Variants in RIT2 observed in about 807,000 individuals in gnomAD.
The protein encoded by RIT2 is GTP-binding protein Rit2.
A neutral mutation model predicts 23.7 loss-of-function variants in RIT2; 24 were observed. That is an observed-to-expected ratio of 1.01 (90% CI 0.73 to 1.43). RIT2 has a LOEUF of 1.43. Among genes scored for constraint, RIT2 ranks in the 40% most tolerant of loss-of-function variants. The probability of loss-of-function intolerance (pLI) is 0.00; values close to 1 mark genes in which losing one functional copy is unlikely to be tolerated. For missense variants in RIT2, 236 were observed against 266.9 expected (o/e 0.88, Z 0.81); for synonymous variants, 107 against 91.1 (o/e 1.17, Z -0.99).
intron 2 of RIT2, among the ~76,000 whole-genome samples, chr18:42,999,270 G>A (rs141408899): frequency 6.6e-4 from 100 of 151,806 alleles, no homozygotes; most frequent in Admixed American, 3.1e-3. Context: ...TTCATTACTC[G>A]GATCAGTTTA....
At chr18:42,926,691 C>T (rs1453496498) in intron 3 of RIT2, among the ~76,000 whole-genome samples, 3 of 151,928 alleles carry the variant, frequency 2.0e-5, no homozygotes, top group African/African-American at 7.2e-5. Flanking sequence ...CAAAGTCACA[C>T]ACATATCACA....
chr18:42,818,337 T>C (rs1239160663), intron 4 of RIT2, among the ~76,000 whole-genome samples: 2 of 152,054 alleles, frequency 1.3e-5, no homozygotes, highest in African/African-American at 2.4e-5. Context: ...CATATTACAA[T>C]TGGCACTATG....
At chr18:42,841,444 T>C (rs1906765624) in intron 4 of RIT2, among the ~76,000 whole-genome samples, 1 of 152,212 alleles carries the variant, frequency 6.6e-6, no homozygotes, top group African/African-American at 2.4e-5. Context: ...TAAATTTAGG[T>C]GAAATTCAAT....
chr18:42,835,997 G>C (rs1332619910), intron 4 of RIT2, among the ~76,000 whole-genome samples: 2 of 152,008 alleles, frequency 1.3e-5, no homozygotes, highest in East Asian at 3.9e-4. Flanking sequence ...TGGGAAATGA[G>C]GTAATCTTTA....
intron 4 of RIT2, among the ~76,000 whole-genome samples, chr18:42,809,499 A>G (rs1476335065): frequency 1.3e-5 from 2 of 152,074 alleles, no homozygotes; most frequent in African/African-American, 4.8e-5. Context: ...GAAATCTTGT[A>G]GCACTTACCC....
intron 4 of RIT2, among the ~76,000 whole-genome samples, chr18:42,900,360 G>A (rs999703238): frequency 2.0e-5 from 3 of 152,150 alleles, no homozygotes; most frequent in African/African-American, 7.2e-5. Flanking sequence ...TAAATGAAAA[G>A]TCAGGTTATT....
chr18:43,064,000 G>A (rs1478249453), intron 1 of RIT2, among the ~76,000 whole-genome samples: 1 of 152,140 alleles, frequency 6.6e-6, no homozygotes, highest in Non-Finnish European at 1.5e-5. Flanking sequence ...TACGTCCAGA[G>A]AAGGTAAAGG....
intron 4 of RIT2, among the ~76,000 whole-genome samples, chr18:42,772,625 T>C (rs543104586): frequency 2.0e-4 from 31 of 152,318 alleles, no homozygotes; most frequent in Admixed American, 9.2e-4. Context: ...GGTTCACCTA[T>C]TGTTCTAATT....
At chr18:42,945,448 T>C (rs1164927666) in intron 3 of RIT2, among the ~76,000 whole-genome samples, 1 of 152,048 alleles carries the variant, frequency 6.6e-6, no homozygotes, top group Non-Finnish European at 1.5e-5. Context: ...AGGCAAAACA[T>C]AGACTGGCAA....
At chr18:43,089,893 G>A (rs1376990424) in intron 1 of RIT2, among the ~76,000 whole-genome samples, 52 of 152,038 alleles carry the variant, frequency 3.4e-4, no homozygotes, top group Non-Finnish European at 5.9e-5. Flanking sequence ...AGTAAATCAA[G>A]ATGGAATAAA....
chr18:43,082,871 G>T (rs1335144962), intron 1 of RIT2, among the ~76,000 whole-genome samples: 2 of 152,176 alleles, frequency 1.3e-5, no homozygotes, highest in South Asian at 4.1e-4. Flanking sequence ...AGTATTGGAA[G>T]TTCTGGCCAG....
chr18:42,927,756 T>C (rs1199645341), intron 3 of RIT2, among the ~76,000 whole-genome samples: 3 of 152,076 alleles, frequency 2.0e-5, no homozygotes, highest in East Asian at 3.9e-4. Flanking sequence ...GCATTTCTAA[T>C]ATTTTCAGAG....
At chr18:42,835,414 C>T (rs1371424551) in intron 4 of RIT2, among the ~76,000 whole-genome samples, 3 of 152,068 alleles carry the variant, frequency 2.0e-5, no homozygotes. Flanking sequence ...AACCTATGTT[C>T]TATATTGGCC....
At chr18:42,992,385 C>T (rs969412911) in intron 2 of RIT2, among the ~76,000 whole-genome samples, 2 of 152,094 alleles carry the variant, frequency 1.3e-5, no homozygotes, top group African/African-American at 4.8e-5. Flanking sequence ...GACGTCCAGG[C>T]ATTCTTTTAC....
chr18:42,868,098 G>A (rs1250919961), intron 4 of RIT2, among the ~76,000 whole-genome samples: 4 of 152,154 alleles, frequency 2.6e-5, no homozygotes, highest in Non-Finnish European at 5.9e-5. Flanking sequence ...TTTACCAATA[G>A]AAAAAGTAGA....
At chr18:42,770,753 G>A (rs768877639) in intron 4 of RIT2, among the ~76,000 whole-genome samples, 1 of 150,718 alleles carries the variant, frequency 6.6e-6, no homozygotes, top group Non-Finnish European at 1.5e-5. Flanking sequence ...TCTGTGAGTT[G>A]AGACTGTTCA....
intron 4 of RIT2, among the ~76,000 whole-genome samples, chr18:42,822,878 A>C (rs760335425): frequency 1.3e-5 from 2 of 152,156 alleles, no homozygotes; most frequent in Non-Finnish European, 2.9e-5. Context: ...ACTGGCCAAC[A>C]TCCAAAGAGA....
intron 3 of RIT2, among the ~76,000 whole-genome samples, chr18:42,967,536 ATTTTTTTTT>A (rs397940927): frequency 2.5e-5 from 2 of 80,762 alleles, no homozygotes; most frequent in East Asian, 7.2e-4. Flanking sequence ...CGCCCGGCTA[ATTTTTTTTT>A]TTTTTTTTTT....
chr18:43,088,695 T>C (rs1218342246), intron 1 of RIT2, among the ~76,000 whole-genome samples: 2 of 152,162 alleles, frequency 1.3e-5, no homozygotes, highest in African/African-American at 2.4e-5. Flanking sequence ...TGGTCTGACA[T>C]ATTTATCATC....
Sources: gnomAD v4.1 joint callset for allele counts (sites outside exome capture counted in the v4.1 genomes callset) on GRCh38, gnomAD v4.1.1 for gene constraint, MANE v1.5 for transcripts, NCBI Gene and HGNC (gene_info 2026-07-23, HGNC 2026-07-21) for gene names.